BBS2: variants seen among roughly 807,000 people sequenced by gnomAD.
BBS2 encodes the protein BBSome complex member BBS2.
A neutral mutation model predicts 83.0 loss-of-function variants in BBS2; 62 were observed. The ratio of observed to expected loss-of-function variants is 0.75; its 90% CI spans 0.61 to 0.92. The LOEUF is 0.92. BBS2 is among the 40% of genes least tolerant of loss of function. The pLI, the probability that BBS2 is intolerant of heterozygous loss-of-function variation, is 0.00. For synonymous variants in BBS2, 303 were observed against 326.1 expected (o/e 0.93, Z 0.76); for missense variants, 784 against 901.0 (o/e 0.87, Z 1.66).
chr16:56,519,680 G>T, intron 1 of BBS2, 66 bp downstream of exon 1: 1 of 1,352,190 alleles, frequency 7.4e-7, no homozygotes, highest in Non-Finnish European at 1.0e-6. Context: ...GGGATCCCAG[G>T]GGCGCGGCCG....
chr16:56,479,737 C>T (rs1238711643), downstream of BBS2, among the ~76,000 whole-genome samples: 4 of 152,230 alleles, frequency 2.6e-5, no homozygotes, highest in Non-Finnish European at 5.9e-5. Flanking sequence ...GTAGCTGGCA[C>T]ACCTTGCTGG....
At chr16:56,502,285 C>T (rs1451787320) in intron 9 of BBS2, 32 bp downstream of exon 9, 1 of 1,614,002 alleles carries the variant, frequency 6.2e-7, no homozygotes, top group African/African-American at 1.3e-5. Context: ...TTTCAGCCTC[C>T]ATTACCTGGT....
At chr16:56,495,042 G>A (rs1459386342) in intron 15 of BBS2, among the ~76,000 whole-genome samples, 1 of 151,410 alleles carries the variant, frequency 6.6e-6, no homozygotes, top group Non-Finnish European at 1.5e-5. Flanking sequence ...TCAAATACAT[G>A]AGTATGTAAG....
intron 17 of BBS2, chr16:56,475,467 A>G (rs746611837): frequency 2.5e-6 from 4 of 1,594,902 alleles, no homozygotes; most frequent in Admixed American, 1.7e-5. Context: ...GACTCTTTCA[A>G]TAGGAGCTTT....
chr16:56,517,220 C>T (rs1480646460), intron 1 of BBS2, among the ~76,000 whole-genome samples: 5 of 152,192 alleles, frequency 3.3e-5, no homozygotes, highest in Non-Finnish European at 7.3e-5. Context: ...CAAATTCCAA[C>T]ACCCACTTTA....
chr16:56,494,744 C>T (rs527409345), intron 15 of BBS2, among the ~76,000 whole-genome samples: 3 of 152,084 alleles, frequency 2.0e-5, no homozygotes, highest in Non-Finnish European at 4.4e-5. Flanking sequence ...GGGCAGATCA[C>T]GAGCTCAGGA....
Position 56,505,962 on chromosome 16 carries a change from C to T in BBS2, c.792G>A (p.Trp264Ter). The part of the protein sequence containing the change: ...SDGVNELITG[W>*]SNGKVDARSD... ...TATTCAAACTTACCTTCCCATTGGA[C>T]CAACCAGTTATCAGTTCATTCACTC... Residue 264 changes from tryptophan (W) to a stop codon, truncating the protein, a stop_gained, in exon 7 of 17, where the codon TGG (tryptophan) becomes TGA (stop). Coordinates refer to ENST00000245157, the MANE Select transcript of BBS2 (RefSeq NM_031885.5). LOFTEE classifies it high-confidence loss of function. 1.2e-6 allele frequency: 2 copies of T among 1,613,656 alleles called. No homozygotes were observed. The highest frequency in any genetic ancestry group is 4.5e-5 in the East Asian group (2 of 44,864).
In BBS2 at chr16:56,509,941, A is replaced by T; in HGVS notation, c.612+16T>A. 1.2e-5 allele frequency: 19 copies of T among 1,613,238 alleles called. No homozygotes were observed. The highest frequency in any genetic ancestry group is 1.6e-5 in the Non-Finnish European group (19 of 1,179,268). On this transcript the variant is annotated intron_variant, in intron 5 of 16. Transcript: ENST00000245157. ...TCTTGCTCAAGGTTACCATAGTTCGAGGTGGAGCTTCTTACCTCTGTTTCT... is the reference window on the plus strand; with the variant it reads ...TCTTGCTCAAGGTTACCATAGTTCGTGGTGGAGCTTCTTACCTCTGTTTCT...
intron 5 of BBS2, 80 bp from the exon 6 acceptor site, chr16:56,506,304 C>A: frequency 9.7e-7 from 1 of 1,035,482 alleles, no homozygotes; most frequent in Non-Finnish European, 1.5e-6. Flanking sequence ...TAAGACTTCA[C>A]ACTCCTTGTT....
intron 15 of BBS2, among the ~76,000 whole-genome samples, chr16:56,494,236 G>A (rs1964047866): frequency 6.7e-6 from 1 of 149,502 alleles, no homozygotes; most frequent in African/African-American, 2.5e-5. Flanking sequence ...GCAAAGTGCT[G>A]GGATTACAAG....
At chr16:56,503,851 G>A (rs988796069) in intron 7 of BBS2, among the ~76,000 whole-genome samples, 15 of 151,796 alleles carry the variant, frequency 9.9e-5, no homozygotes, top group African/African-American at 3.4e-4. Context: ...CCCGGGAGGC[G>A]GAGGTTGCAG....
chr16:56,501,441 G>C lies in BBS2; in HGVS notation c.1137C>G (p.Ala379=). ...EADGHRGIIP[A]NTRLHTTLSV... ...AGAGCGTGGTGTGGAGCCTGGTATT[G>C]GCTGGGATTATGCCCCGATGCCCAT... Residue 379 remains alanine, a synonymous_variant, in exon 10 of 17, where the codon GCC becomes GCG. Transcript: ENST00000245157. 1 of 1,614,124 alleles carries C rather than the reference G, an allele frequency of 6.2e-7. No homozygotes were observed. The highest frequency in any genetic ancestry group is 8.5e-7 in the Non-Finnish European group (1 of 1,180,026).
downstream of BBS2, among the ~76,000 whole-genome samples, chr16:56,482,980 G>A (rs1306806404): frequency 6.6e-6 from 1 of 152,134 alleles, no homozygotes; most frequent in Non-Finnish European, 1.5e-5. Flanking sequence ...TCAGCTATAT[G>A]GTCATGCTCT....
intron 4 of BBS2, among the ~76,000 whole-genome samples, chr16:56,510,557 G>C (rs1964546873): frequency 6.6e-6 from 1 of 152,198 alleles, no homozygotes; most frequent in Admixed American, 6.5e-5. Context: ...TGGTTTCAAA[G>C]CATCAGGAGC....
chr16:56,496,031 T>C (rs1288813295), intron 15 of BBS2, among the ~76,000 whole-genome samples: 2 of 152,142 alleles, frequency 1.3e-5, no homozygotes, highest in Non-Finnish European at 2.9e-5. Context: ...TTTTCAACAA[T>C]ACAATTATTT....
chr16:56,494,962 G>GA (rs575309401), intron 15 of BBS2, among the ~76,000 whole-genome samples: 5,441 of 86,192 alleles, frequency 0.063, 131 homozygotes, highest in African/African-American at 0.093. Context: ...ACTCCGTCTC[G>GA]AAAAAAAAAA....
At position 56,499,886 on chromosome 16, in the gene BBS2, T is replaced by A; in HGVS notation, c.1419A>T (p.Glu473Asp). The A allele has an allele frequency of 6.2e-7, 1 of 1,614,092 alleles. No individual in the cohort carries two copies. Among genetic ancestry groups the A allele is most frequent in the East Asian group, 2.2e-5 (1 of 44,876 alleles). ...YRSSTQFHVF[E>D]STRQLPRFSM... ...AGAATCGAGGGAGCTGTCTTGTCGA[T>A]TCAAATACATGAAACTGGGTGCTAT... Residue 473 changes from glutamate to aspartate, a missense_variant, in exon 12 of 17, where the codon GAA becomes GAT. Glu to Asp is a conservative substitution (Grantham distance 45). Transcript: ENST00000245157.
rs947061436 is a variant in BBS2 at position 56,501,627 on chromosome 16, T to A, written c.1081-130A>T. 3.1e-6 allele frequency: 4 copies of A among 1,273,426 alleles called. No homozygotes were observed. The South Asian group carries it at 5.2e-5, about 17-fold the overall frequency. 78.9% of individuals were successfully genotyped at this position (1,273,426 alleles called of 1,614,324 possible). A position where few individuals can be genotyped will look rare whatever the true frequency, so the allele number is the denominator to read the frequency against. On this transcript the variant is annotated intron_variant, in intron 9 of 16. Coordinates refer to ENST00000245157, the MANE Select transcript of BBS2 (RefSeq NM_031885.5). ...TATTATTATTATTATAGTAATCTGA[T>A]TCTTTAGAATTCAGAGAACTCACCT... is the stretch of plus-strand genomic sequence containing the variant.
intron 1 of BBS2, chr16:56,515,996 C>T (rs1480647926): frequency 6.6e-6 from 1 of 152,206 alleles, no homozygotes; most frequent in African/African-American, 2.4e-5. Context: ...CAAAGTTTTC[C>T]AGAAATCCAA....
Sources: allele counts gnomAD v4.1 joint callset (sites outside exome capture counted in the v4.1 genomes callset), GRCh38; gene constraint gnomAD v4.1.1; transcripts MANE v1.5; gene names NCBI Gene and HGNC (gene_info 2026-07-23, HGNC 2026-07-21).